FILIP1: variants seen among roughly 807,000 people sequenced by gnomAD.
The protein encoded by FILIP1 is filamin-A-interacting protein 1.
A neutral mutation model predicts 102.1 loss-of-function variants in FILIP1; 61 were observed. The observed-to-expected ratio is 0.60, with a 90% confidence interval of 0.49 to 0.74. The LOEUF is 0.74. Among genes scored for constraint, FILIP1 ranks in the 30% least tolerant of loss-of-function variants. The pLI is 0.00. For missense variants in FILIP1, 1,314 were observed against 1,441.2 expected (o/e 0.91, Z 1.43); for synonymous variants, 491 against 526.9 (o/e 0.93, Z 0.93).
At chr6:75,316,150 A>C (rs1457152789) in intron 4 of FILIP1, among the ~76,000 whole-genome samples, 2 of 152,246 alleles carry the variant, frequency 1.3e-5, no homozygotes, top group Admixed American at 6.5e-5. Context: ...TGTAAAAAGT[A>C]GGAATATAAA....
intron 2 of FILIP1, among the ~76,000 whole-genome samples, chr6:75,409,255 G>A (rs1049646492): frequency 1.3e-5 from 2 of 152,170 alleles, no homozygotes; most frequent in Admixed American, 6.6e-5. Flanking sequence ...ATTGCTGTGC[G>A]ACTTTGGGCA....
chr6:75,319,832 A>C (rs55702730), intron 4 of FILIP1: 8,336 of 281,452 alleles, frequency 0.03, 372 homozygotes, highest in African/African-American at 0.14. Flanking sequence ...TCCGTCCCCC[A>C]AAAAAAAAAA....
chr6:75,415,399 CAAT>C (rs1777228618), intron 1 of FILIP1, among the ~76,000 whole-genome samples: 1 of 151,216 alleles, frequency 6.6e-6, no homozygotes. Context: ...AAATAAAAAT[CAAT>C]AAAAACTGTT....
At chr6:75,492,162 T>C (rs1287998734) in intron 1 of FILIP1, among the ~76,000 whole-genome samples, 3 of 152,202 alleles carry the variant, frequency 2.0e-5, no homozygotes, top group Non-Finnish European at 2.9e-5. Context: ...TATAAACAAG[T>C]AAACAGAATT....
intron 2 of FILIP1, among the ~76,000 whole-genome samples, chr6:75,370,406 A>G (rs1242401167): frequency 6.6e-6 from 1 of 152,176 alleles, no homozygotes; most frequent in Non-Finnish European, 1.5e-5. Flanking sequence ...AATAAATAAA[A>G]GTAAAATTAA....
chr6:75,421,811 T>C (rs1473397946), intron 1 of FILIP1, among the ~76,000 whole-genome samples: 1 of 152,144 alleles, frequency 6.6e-6, no homozygotes, highest in African/African-American at 2.4e-5. Flanking sequence ...ATAACTAGCA[T>C]GCTAGCCCGT....
Position 75,487,061 on chromosome 6 carries a change from C to G in FILIP1, c.-7+6353G>C, listed in dbSNP as rs553253934. Among the ~76,000 whole-genome samples the G allele has an allele frequency of 2.6e-5, 4 of 152,136 alleles. No homozygotes were observed. In the South Asian group the frequency reaches 8.3e-4, roughly 32 times the overall value. ...ACCAGTTGGTTTGGTGTATTCAAACCAGAAGATGATATCTATCAACACAGC... is the reference window on the plus strand; with the variant it reads ...ACCAGTTGGTTTGGTGTATTCAAACGAGAAGATGATATCTATCAACACAGC... On this transcript the variant is annotated intron_variant, in intron 1 of 5. Transcript: ENST00000237172.
chr6:75,381,882 C>A (rs143449182), intron 2 of FILIP1, among the ~76,000 whole-genome samples: 103 of 152,280 alleles, frequency 6.8e-4, no homozygotes, highest in Middle Eastern at 3.4e-3. Flanking sequence ...AAGTAAATAG[C>A]TTGACCAAGA....
intron 4 of FILIP1, among the ~76,000 whole-genome samples, chr6:75,335,603 C>T (rs1170257690): frequency 6.6e-6 from 1 of 151,894 alleles, no homozygotes; most frequent in Non-Finnish European, 1.5e-5. Flanking sequence ...ATTAAACATT[C>T]CAGTATAATT....
chr6:75,431,503 C>A (rs1562589653), intron 1 of FILIP1, among the ~76,000 whole-genome samples: 1 of 152,180 alleles, frequency 6.6e-6, no homozygotes, highest in Admixed American at 6.6e-5. Context: ...AGTATACTAG[C>A]ATGACTCACC....
At chr6:75,356,051 T>A (rs149106654) in intron 3 of FILIP1, among the ~76,000 whole-genome samples, 2 of 152,294 alleles carry the variant, frequency 1.3e-5, no homozygotes, top group East Asian at 3.9e-4. Context: ...AAATGTTCCC[T>A]GGAGGGAAAA....
chr6:75,401,087 A>G (rs992670666), intron 2 of FILIP1, among the ~76,000 whole-genome samples: 1 of 152,118 alleles, frequency 6.6e-6, no homozygotes, highest in Non-Finnish European at 1.5e-5. Flanking sequence ...TAGCCCTGCC[A>G]TCTATCCACA....
chr6:75,419,353 T>C (rs1777374438), intron 1 of FILIP1, among the ~76,000 whole-genome samples: 1 of 152,188 alleles, frequency 6.6e-6, no homozygotes, highest in Admixed American at 6.6e-5. Flanking sequence ...GGCTTTGGCA[T>C]CTTTGCTATG....
rs1193902996 is a variant in FILIP1, at chr6:75,444,356, A to G, written c.-6-29378T>C. Among the ~76,000 whole-genome samples the G allele has an allele frequency of 2.0e-5, 3 of 152,222 alleles. No individual in the cohort carries two copies. The East Asian group carries it at 5.8e-4, about 29-fold the overall frequency. On this transcript the variant is annotated intron_variant, in intron 1 of 5. Transcript: ENST00000237172. ...TTTTGATCCTACTTGATGTGCGTACATAGTCTACTATCAGTTACTCTTATT... is the reference window on the plus strand; with the variant it reads ...TTTTGATCCTACTTGATGTGCGTACGTAGTCTACTATCAGTTACTCTTATT...
downstream of FILIP1, among the ~76,000 whole-genome samples, chr6:75,305,818 A>T (rs1203183917): frequency 6.8e-6 from 1 of 148,074 alleles, no homozygotes; most frequent in Non-Finnish European, 1.5e-5. Context: ...GAAATGGCCC[A>T]CCCTTCCCAC....
At chr6:75,414,139 T>C (rs1777170871) in intron 2 of FILIP1, among the ~76,000 whole-genome samples, 1 of 150,550 alleles carries the variant, frequency 6.6e-6, no homozygotes, top group Non-Finnish European at 1.5e-5. Context: ...TCATAATGAA[T>C]GCAATGCTCT....
chr6:75,427,588 G>C (rs1777668733), intron 1 of FILIP1, among the ~76,000 whole-genome samples: 1 of 152,116 alleles, frequency 6.6e-6, no homozygotes, highest in African/African-American at 2.4e-5. Context: ...AGAGGGAATG[G>C]TACAGGAGTA....
At chr6:75,467,504 G>T (rs1156504366) in intron 1 of FILIP1, among the ~76,000 whole-genome samples, 1 of 152,196 alleles carries the variant, frequency 6.6e-6, no homozygotes, top group Admixed American at 6.5e-5. Flanking sequence ...CCTTCATACA[G>T]TGAGCAGCAT....
At chr6:75,295,785 G>T in exon 7 of FILIP1, 1 of 547,296 alleles carries the variant, frequency 1.8e-6, no homozygotes. Flanking sequence ...AAAAATCACT[G>T]GAAGTAGTAA....
Sources: allele counts gnomAD v4.1 joint callset (sites outside exome capture counted in the v4.1 genomes callset), GRCh38; gene constraint gnomAD v4.1.1; transcripts MANE v1.5; gene names NCBI Gene and HGNC (gene_info 2026-07-23, HGNC 2026-07-21).